Variants in VPS37A observed in about 807,000 individuals in gnomAD.
The protein encoded by VPS37A is vacuolar protein sorting-associated protein 37A.
VPS37A carries 30 observed loss-of-function variants against 49.8 expected under a neutral mutation model. The ratio of observed to expected loss-of-function variants is 0.60; its 90% confidence interval spans 0.45 to 0.82. VPS37A has a LOEUF of 0.82. Ranked by LOEUF, VPS37A falls within the 40% of genes least tolerant of loss-of-function variation. VPS37A has a pLI of 0.00. For missense variants in VPS37A, 593 were observed against 464.4 expected (o/e 1.28, Z -2.55); for synonymous variants, 195 against 160.6 (o/e 1.21, Z -1.62).
At chr8:17,276,786 T>G (rs993860995) in intron 6 of VPS37A, among the ~76,000 whole-genome samples, 1 of 152,152 alleles carries the variant, frequency 6.6e-6, no homozygotes, top group Admixed American at 6.5e-5. Flanking sequence ...AATTTCAAAA[T>G]ATATCTTGGC....
chr8:17,257,597 G>A (rs1162407686), intron 1 of VPS37A, among the ~76,000 whole-genome samples: 2 of 152,092 alleles, frequency 1.3e-5, no homozygotes, highest in East Asian at 3.9e-4. Flanking sequence ...TAACAAAACT[G>A]CACATTCTGC....
downstream of VPS37A, chr8:17,301,994 G>T: frequency 1.1e-6 from 1 of 898,092 alleles, no homozygotes; most frequent in Non-Finnish European, 1.6e-6. Flanking sequence ...TTGGGCTTCG[G>T]TTATCTGAGT....
At chr8:17,272,920 G>C (rs1814135305) in intron 4 of VPS37A, among the ~76,000 whole-genome samples, 1 of 149,716 alleles carries the variant, frequency 6.7e-6, no homozygotes, top group Non-Finnish European at 1.5e-5. Flanking sequence ...GTTTGGGTTT[G>C]TGTATATATA....
At chr8:17,307,390 G>T (rs574010440), downstream of VPS37A, among the ~76,000 whole-genome samples, 1 of 152,138 alleles carries the variant, frequency 6.6e-6, no homozygotes, top group Non-Finnish European at 1.5e-5. Context: ...GAAACAACAG[G>T]TGCTGGAGAG....
chr8:17,271,422 G>T (rs767541251), intron 4 of VPS37A, among the ~76,000 whole-genome samples: 1 of 152,096 alleles, frequency 6.6e-6, no homozygotes. Flanking sequence ...TGGCTAACAC[G>T]GTGAAACCTC....
chr8:17,284,404 A>T (rs1323969485), intron 9 of VPS37A, 69 bp from the exon 10 acceptor site: 14 of 1,496,954 alleles, frequency 9.4e-6, no homozygotes, highest in Non-Finnish European at 1.1e-5. Context: ...CCACTACCTT[A>T]CTTCCTTTCC....
chr8:17,250,458 G>T (rs1811868173), intron 1 of VPS37A, among the ~76,000 whole-genome samples: 1 of 152,166 alleles, frequency 6.6e-6, no homozygotes, highest in African/African-American at 2.4e-5. Flanking sequence ...ACAAAAACTT[G>T]TTACATGAGG....
chr8:17,305,767 G>A (rs371072993), downstream of VPS37A: 23 of 1,610,010 alleles, frequency 1.4e-5, no homozygotes, highest in Non-Finnish European at 2.0e-5. Flanking sequence ...TTGAGTTCTC[G>A]TCTCTCCTTT....
At chr8:17,327,933 ATTG>A in the VPS37A span, among the ~76,000 whole-genome samples, 1,111 of 152,358 alleles carry the variant, frequency 7.3e-3, 5 homozygotes, top group Middle Eastern at 0.048. Flanking sequence ...ACTGCACACA[ATTG>A]TTGTGAAAAT....
chr8:17,303,863 G>C (rs186641402), downstream of VPS37A, among the ~76,000 whole-genome samples: 1 of 152,114 alleles, frequency 6.6e-6, no homozygotes, highest in Non-Finnish European at 1.5e-5. Flanking sequence ...ACCCGCCTCG[G>C]CTAATACATA....
chr8:17,291,399 A>G (rs1311780341), intron 11 of VPS37A, among the ~76,000 whole-genome samples: 3 of 145,776 alleles, frequency 2.1e-5, no homozygotes, highest in Non-Finnish European at 3.0e-5. Flanking sequence ...CTATTTTGTT[A>G]ATCTTTTCAA....
At chr8:17,298,781 G>C (rs1210457072), downstream of VPS37A, 1 of 152,512 alleles carries the variant, frequency 6.6e-6, no homozygotes, top group African/African-American at 2.4e-5. Context: ...TCATAAGATA[G>C]GGGAGGGACT....
At chr8:17,318,590 C>G in the VPS37A span, among the ~76,000 whole-genome samples, 3 of 152,316 alleles carry the variant, frequency 2.0e-5, no homozygotes, top group East Asian at 5.8e-4. Context: ...CTGTTGGCCA[C>G]TGCAGTGGGG....
chr8:17,331,082 A>G, the VPS37A span: 1 of 1,542,652 alleles, frequency 6.5e-7, no homozygotes, highest in African/African-American at 1.4e-5. Context: ...AATCAAGACT[A>G]TCTTATTCCC....
downstream of VPS37A, chr8:17,302,392 A>C: frequency 8.0e-7 from 1 of 1,253,546 alleles, no homozygotes. Flanking sequence ...AACCAAATGC[A>C]AATTTCAGCC....
intron 4 of VPS37A, among the ~76,000 whole-genome samples, chr8:17,269,525 C>G (rs922291988): frequency 6.6e-6 from 1 of 152,190 alleles, no homozygotes; most frequent in Non-Finnish European, 1.5e-5. Context: ...GAGCTTTTAG[C>G]AACTATGAAA....
In VPS37A at chr8:17,268,273, G is replaced by T; in HGVS notation, c.216G>T (p.Gln72His). 5.0e-6 allele frequency: 8 copies of T among 1,612,166 alleles called. No homozygotes were observed. The highest frequency in any genetic ancestry group is 6.8e-6 in the Non-Finnish European group (8 of 1,179,508). ...CCTCTACCAGATTGCTTCCTCCACA[G>T]TTTCCTCAGGAAAAACCAGTGATCA... ...TININILLPP[Q>H]FPQEKPVISV... The change falls in exon 3 of 12, where the codon CAG becomes CAT. Residue 72 changes from glutamine (Q) to histidine (H), a missense_variant. Physicochemically the swap from Gln to His is conservative, Grantham distance 24. Coordinates refer to ENST00000324849, the MANE Select transcript of VPS37A (RefSeq NM_152415.3).
intron 6 of VPS37A, among the ~76,000 whole-genome samples, 186 bp downstream of exon 6, chr8:17,276,653 G>C (rs1406950167): frequency 6.6e-6 from 1 of 152,066 alleles, no homozygotes; most frequent in South Asian, 2.1e-4. Context: ...TGAGTGACTG[G>C]TACATACTCA....
chr8:17,257,544 G>A (rs186639869), intron 1 of VPS37A, among the ~76,000 whole-genome samples: 2 of 152,260 alleles, frequency 1.3e-5, no homozygotes, highest in African/African-American at 4.8e-5. Context: ...TAGGTGACGG[G>A]TTGATGGGTG....
Sources: gnomAD v4.1 joint callset for allele counts (sites outside exome capture counted in the v4.1 genomes callset) on GRCh38, gnomAD v4.1.1 for gene constraint, MANE v1.5 for transcripts, NCBI Gene and HGNC (gene_info 2026-07-23, HGNC 2026-07-21) for gene names.